Variants in ANKRD18A observed in about 807,000 individuals in gnomAD.
The protein encoded by ANKRD18A is ankyrin repeat domain 18A.
In ANKRD18A, 72 loss-of-function variants were observed where a neutral mutation model predicts 110.6. That is an observed-to-expected ratio of 0.65 (90% confidence interval 0.54 to 0.79). The LOEUF is 0.79. ANKRD18A is among the 30% of genes least tolerant of loss of function. The pLI, the probability that ANKRD18A is intolerant of heterozygous loss-of-function variation, is 0.00. For missense variants in ANKRD18A, 934 were observed against 1,163.3 expected, an observed-to-expected ratio of 0.80 and a Z score of 2.87; for synonymous variants, 305 against 410.3, an observed-to-expected ratio of 0.74 and a Z score of 3.10.
At chr9:38,572,097 A>ATGTTTT in intron 15 of ANKRD18A, 38 bp from the exon 16 acceptor site, 1 of 1,466,222 alleles carries the variant, frequency 6.8e-7, no homozygotes, top group East Asian at 2.4e-5. Flanking sequence ...CTTTACCTAA[A>ATGTTTT]ACATTTCAGT....
In ANKRD18A at chr9:38,596,314, A is replaced by G. The variant is rs1261848916; in HGVS notation, c.1026T>C (p.Tyr342=). The G allele has an allele frequency of 2.6e-6, 4 of 1,528,152 alleles. No individual in the cohort carries two copies. The African/African-American group carries it at 5.6e-5, about 21-fold the overall frequency. The allele number at this position is 1,528,152 out of a possible 1,614,324, so 94.7% of individuals were successfully genotyped here. ...TTCTGAGACTGTCATTTTTTATTGC[A>G]TATAATTCCTCTTTGAGCATGGCAA... ...KDIAMLKEEL[Y]AIKNDSLRKE... is the part of the protein sequence containing the mutation. Residue 342 remains tyrosine (Y), a synonymous_variant, in exon 9 of 16, where the codon TAT becomes TAC. Transcript: ENST00000399703.
At chr9:38,596,517 G>A in intron 8 of ANKRD18A, 114 bp from the exon 9 acceptor site, 1 of 959,822 alleles carries the variant, frequency 1.0e-6, no homozygotes, top group South Asian at 3.2e-5. Flanking sequence ...TGCTGTAAGT[G>A]GATATCCAAC....
rs758702486 is a variant in ANKRD18A, at chr9:38,575,647, C to T, written c.2793G>A (p.Gln931=). The T allele has an allele frequency of 3.2e-6, 5 of 1,551,656 alleles. No individual in the cohort carries two copies. In the African/African-American group the frequency reaches 6.8e-5, roughly 21 times the overall value. ...VISTKLFTEK[Q]RMKYFLSTLP... ...GAGTGCTGAGAAAATATTTCATCCG[C>T]TGTTTCTCCGTAAAGAGCTTGGTGC... The change falls in exon 15 of 16, where the codon CAG becomes CAA. Residue 931 remains glutamine (Q), a synonymous_variant. Coordinates refer to ENST00000399703, the MANE Select transcript of ANKRD18A (RefSeq NM_147195.4).
At chr9:38,606,887 A>G (rs1825382996) in intron 6 of ANKRD18A, among the ~76,000 whole-genome samples, 1 of 152,166 alleles carries the variant, frequency 6.6e-6, no homozygotes, top group Non-Finnish European at 1.5e-5. Flanking sequence ...TTCAAGGATC[A>G]TAAGTAGGTA....
chr9:38,571,357 CT>C (rs1200818046), downstream of ANKRD18A: 2 of 808,376 alleles, frequency 2.5e-6, no homozygotes, highest in East Asian at 6.3e-5. Context: ...GAATCATGAG[CT>C]TTCCCTTCTC....
chr9:38,569,717 C>A (rs1470084603), downstream of ANKRD18A, among the ~76,000 whole-genome samples: 1 of 152,122 alleles, frequency 6.6e-6, no homozygotes, highest in African/African-American at 2.4e-5. Flanking sequence ...CCTAGCTGCT[C>A]CACTCACAGG....
intron 8 of ANKRD18A, among the ~76,000 whole-genome samples, chr9:38,597,180 A>C (rs1220212075): frequency 6.6e-6 from 1 of 152,182 alleles, no homozygotes; most frequent in African/African-American, 2.4e-5. Context: ...ATTCTCCATG[A>C]AATAGCCAGA....
chr9:38,587,386 TA>T (rs1264809594), intron 11 of ANKRD18A, among the ~76,000 whole-genome samples: 1 of 152,108 alleles, frequency 6.6e-6, no homozygotes, highest in East Asian at 1.9e-4. Flanking sequence ...TCCATTTTTT[TA>T]AAAAAAGTCT....
intron 11 of ANKRD18A, among the ~76,000 whole-genome samples, chr9:38,587,888 G>C (rs147874952): frequency 0.011 from 1,607 of 152,282 alleles, 21 homozygotes; most frequent in Middle Eastern, 0.027. Flanking sequence ...AGGAGTTCGA[G>C]ACCAGCCTGA....
intron 12 of ANKRD18A, among the ~76,000 whole-genome samples, chr9:38,583,407 G>A (rs371683613): frequency 2.6e-5 from 4 of 151,866 alleles, no homozygotes; most frequent in Non-Finnish European, 4.4e-5. Flanking sequence ...TTTTTGAGAC[G>A]GAGTCTTGTT....
In ANKRD18A at chr9:38,585,889, C is replaced by T. The variant is rs532972545; in HGVS notation, c.2247+294G>A. Among the ~76,000 whole-genome samples the T allele has an allele frequency of 3.7e-4, 57 of 152,244 alleles. No homozygotes were observed. The South Asian group carries it at 0.011, about 29-fold the overall frequency. ...TGGATGAACTCGGAGCTGTTATCCT[C>T]AGCACACTAACGCAGGAACAAAAAA... On this transcript the variant is annotated intron_variant, in intron 12 of 15. Coordinates refer to ENST00000399703, the MANE Select transcript of ANKRD18A (RefSeq NM_147195.4).
chr9:38,596,606 T>C (rs562966829), intron 8 of ANKRD18A, among the ~76,000 whole-genome samples: 47 of 151,890 alleles, frequency 3.1e-4, no homozygotes, highest in African/African-American at 1.0e-3. Flanking sequence ...TTGAAGTCAA[T>C]GAATCCATAA....
intron 3 of ANKRD18A, among the ~76,000 whole-genome samples, chr9:38,613,383 T>C (rs1825724276): frequency 6.6e-6 from 1 of 152,174 alleles, no homozygotes; most frequent in Non-Finnish European, 1.5e-5. Context: ...CTTGTGTTTT[T>C]ATATTTGCTG....
intron 1 of ANKRD18A, 114 bp downstream of exon 1, chr9:38,619,966 C>A: frequency 1.5e-6 from 2 of 1,341,424 alleles, no homozygotes; most frequent in African/African-American, 3.0e-5. Context: ...CCATTTGGCT[C>A]CGCTGCTCCG....
intron 12 of ANKRD18A, among the ~76,000 whole-genome samples, chr9:38,583,516 A>T (rs1414941311): frequency 6.6e-6 from 1 of 152,010 alleles, no homozygotes; most frequent in African/African-American, 2.4e-5. Flanking sequence ...CAGTCTCCTG[A>T]GTAGCTGGGA....
At chr9:38,613,458 A>G (rs554648865) in intron 3 of ANKRD18A, among the ~76,000 whole-genome samples, 3 of 151,960 alleles carry the variant, frequency 2.0e-5, no homozygotes, top group Non-Finnish European at 4.4e-5. Flanking sequence ...TTCTCTGTCT[A>G]GTATCGTATG....
chr9:38,571,017 A>T, downstream of ANKRD18A: 1 of 1,259,272 alleles, frequency 7.9e-7, no homozygotes, highest in Non-Finnish European at 1.0e-6. Context: ...GAGACACAGC[A>T]CAGAGACTGC....
At chr9:38,598,425 G>A (rs1460342981) in intron 8 of ANKRD18A, among the ~76,000 whole-genome samples, 1 of 152,146 alleles carries the variant, frequency 6.6e-6, no homozygotes, top group African/African-American at 2.4e-5. Context: ...TACACATTTA[G>A]ATAACCCCAC....
downstream of ANKRD18A, chr9:38,571,114 C>T (rs201453338): frequency 2.4e-5 from 37 of 1,528,292 alleles, no homozygotes; most frequent in East Asian, 9.1e-4. Context: ...TTGCTAGTTT[C>T]TTGGTACCTC....
Sources: allele counts gnomAD v4.1 joint callset (sites outside exome capture counted in the v4.1 genomes callset), GRCh38; gene constraint gnomAD v4.1.1; transcripts MANE v1.5; gene names NCBI Gene and HGNC (gene_info 2026-07-23, HGNC 2026-07-21).